The following DLEC1 variants were observed in gnomAD, a reference collection of about 807,000 sequenced individuals.
DLEC1 encodes the protein DLEC1 cilia and flagella associated protein, also known as deleted in lung and esophageal cancer protein 1.
Under a neutral mutation model 198.1 loss-of-function variants are expected in DLEC1, and 146 were observed. The observed-to-expected ratio is 0.74, with a 90% CI of 0.64 to 0.85. The LOEUF (loss-of-function observed/expected upper bound fraction) is 0.85. Among genes scored for constraint, DLEC1 ranks in the 40% least tolerant of loss-of-function variants. DLEC1 has a pLI of 0.00. For synonymous variants in DLEC1, 897 were observed against 866.8 expected (o/e 1.03, Z -0.61); for missense variants, 2,233 against 2,220.0 (o/e 1.01, Z -0.12).
chr3:38,084,539 G>A lies in DLEC1; in HGVS notation c.1261+294G>A, dbSNP rs75470428. ...TAGTGGTAGTAGTAGTAGTGGTGGT[G>A]GTAGTAGTAGTGGTAGTAGTAGTGG... On this transcript the variant is annotated intron_variant, in intron 7 of 36. Coordinates refer to ENST00000308059, the MANE Select transcript of DLEC1 (RefSeq NM_007335.4). Among the ~76,000 whole-genome samples the A allele has an allele frequency of 2.2e-3, 9 of 4,076 alleles. 1 individual carries two copies. The highest frequency in any genetic ancestry group is 5.4e-3 in the South Asian group (1 of 184). 2.7% of individuals were successfully genotyped at this position (4,076 alleles called of 152,430 possible).
At position 38,117,798 on chromosome 3, in the gene DLEC1, C is replaced by G. The variant is rs764801502; in HGVS notation, c.4486-8C>G. On this transcript the variant is annotated splice_polypyrimidine_tract_variant and splice_region_variant and intron_variant, in intron 32 of 36. Transcript: ENST00000308059. The stretch of plus-strand genomic sequence containing the variant: ...CATTCCCTGCCTCCTACCTCTGTGG[C>G]TGCCCAGGTGCTGAGTGAGCTGGTG... The G allele has an allele frequency of 1.9e-6, 3 of 1,611,018 alleles. No homozygotes were observed. In the South Asian group the frequency reaches 3.3e-5, roughly 18 times the overall value.
At chr3:38,083,611 A>T (rs570318655) in intron 6 of DLEC1, among the ~76,000 whole-genome samples, 45 of 151,572 alleles carry the variant, frequency 3.0e-4, no homozygotes, top group Non-Finnish European at 5.3e-4. Context: ...TCATCAGTTA[A>T]GGTGGGGCAG....
intron 6 of DLEC1, among the ~76,000 whole-genome samples, chr3:38,064,707 C>T (rs978439737): frequency 8.6e-5 from 13 of 151,912 alleles, no homozygotes; most frequent in Admixed American, 5.9e-4. Context: ...GACGGGGTCG[C>T]GGCCGGGCAG....
At chr3:38,102,836 T>C (rs960948983) in intron 19 of DLEC1, among the ~76,000 whole-genome samples, 7 of 152,230 alleles carry the variant, frequency 4.6e-5, no homozygotes, top group Non-Finnish European at 8.8e-5. Context: ...AATGAAGGAA[T>C]AGCATCTTTC....
At position 38,123,207 on chromosome 3, in the gene DLEC1, C is replaced by T; in HGVS notation, c.*795C>T. ...GGCTGACCCAGAAGGACGTCATGGA[C>T]AAGTAGGATGCAAAACCATCAGACC... is the stretch of plus-strand genomic sequence containing the variant. On this transcript the variant is annotated 3_prime_UTR_variant, in exon 37 of 37. Coordinates refer to ENST00000308059, the MANE Select transcript of DLEC1 (RefSeq NM_007335.4). 3.7e-6 allele frequency: 5 copies of T among 1,341,710 alleles called. No individual in the cohort carries two copies. Among genetic ancestry groups the T allele is most frequent in the Non-Finnish European group, 5.3e-6 (5 of 936,530 alleles). The allele number at this position is 1,341,710 out of a possible 1,614,324, so 83.1% of individuals were successfully genotyped here.
In DLEC1 at chr3:38,076,505, G is replaced by T. The variant is rs546069791; in HGVS notation, c.1174-7653G>T. ...AGGAGTGGGGGTCGCAAAGTACTCAGTGGGGGAGCTTTTTGAGCCAGGATG... is the reference window on the plus strand; with the variant it reads ...AGGAGTGGGGGTCGCAAAGTACTCATTGGGGGAGCTTTTTGAGCCAGGATG... On this transcript the variant is annotated intron_variant, in intron 6 of 36. Coordinates refer to ENST00000308059, the MANE Select transcript of DLEC1 (RefSeq NM_007335.4). 4.9e-3 allele frequency among the ~76,000 whole-genome samples: 745 copies of T among 152,206 alleles called. 5 individuals are homozygous for T. The highest frequency in any genetic ancestry group is 0.016 in the African/African-American group (683 of 41,510).
intron 34 of DLEC1, among the ~76,000 whole-genome samples, chr3:38,120,872 T>C (rs561462263): frequency 6.6e-6 from 1 of 152,224 alleles, no homozygotes; most frequent in South Asian, 2.1e-4. Flanking sequence ...AGGAAGGACA[T>C]GAAGCCTGAA....
intron 6 of DLEC1, 138 bp downstream of exon 6, chr3:38,064,057 G>C (rs1696859047): frequency 5.0e-6 from 3 of 600,176 alleles, no homozygotes; most frequent in South Asian, 4.8e-5. Flanking sequence ...GTGTTTCTCG[G>C]AGAGGGGGAT....
chr3:38,081,894 G>A (rs1698040845), intron 6 of DLEC1, among the ~76,000 whole-genome samples: 1 of 137,718 alleles, frequency 7.3e-6, no homozygotes, highest in African/African-American at 2.7e-5. Flanking sequence ...GCGGGGGGCT[G>A]ACCCCCCCCC....
chr3:38,100,453 C>T, intron 19 of DLEC1, 28 bp downstream of exon 19: 1 of 1,592,030 alleles, frequency 6.3e-7, no homozygotes, highest in Non-Finnish European at 8.5e-7. Context: ...AGAGCCACTA[C>T]AACAAACTAT....
intron 2 of DLEC1, among the ~76,000 whole-genome samples, chr3:38,047,996 G>C (rs535696978): frequency 5.2e-4 from 79 of 152,298 alleles, no homozygotes; most frequent in African/African-American, 1.8e-3. Flanking sequence ...TCTGCCAAAG[G>C]TGACTAATGA....
chr3:38,103,019 C>T (rs1415104269), intron 19 of DLEC1: 1 of 152,142 alleles, frequency 6.6e-6, no homozygotes, highest in Non-Finnish European at 1.5e-5. Context: ...TTATGGGGTA[C>T]ATGTGCAATT....
intron 6 of DLEC1, among the ~76,000 whole-genome samples, 186 bp from the exon 7 acceptor site, chr3:38,083,972 A>G (rs1698204964): frequency 6.6e-6 from 1 of 152,076 alleles, no homozygotes; most frequent in African/African-American, 2.4e-5. Context: ...AAACAAACAA[A>G]AGTACATAGG....
intron 1 of DLEC1, among the ~76,000 whole-genome samples, chr3:38,040,189 C>T (rs533787755): frequency 6.6e-6 from 1 of 152,300 alleles, no homozygotes; most frequent in Non-Finnish European, 1.5e-5. Context: ...CCTCCCATAC[C>T]CGATCCTTTA....
rs775135527 is a variant in DLEC1 at position 38,120,466 on chromosome 3, C to T, written c.4723C>T (p.Leu1575Phe). The T allele has an allele frequency of 1.9e-5, 30 of 1,614,088 alleles. No homozygotes were observed. The highest frequency in any genetic ancestry group is 2.4e-5 in the Non-Finnish European group (28 of 1,180,030). ...ENMLVNVSFSLSLELLSYQKL... is the reference protein window; with the variant it reads ...ENMLVNVSFSFSLELLSYQKL... ...TGCTCAGGTGAACGTGTCCTTCTCA[C>T]TCTCCCTGGAGCTGCTCTCCTATCA... The change falls in exon 34 of 37, where the codon CTC (leucine) becomes TTC (phenylalanine). Residue 1575 changes from leucine (L) to phenylalanine (F), a missense_variant. By Grantham distance (22) the Leu-to-Phe change is conservative (BLOSUM62 0). Transcript: ENST00000308059.
chr3:38,062,206 C>T lies in DLEC1; in HGVS notation c.711C>T (p.Ser237=). The T allele has an allele frequency of 6.2e-7, 1 of 1,614,200 alleles. No homozygotes were observed. Among genetic ancestry groups the T allele is most frequent in the South Asian group, 1.1e-5 (1 of 91,084 alleles). The change falls in exon 4 of 37, where the codon AGC becomes AGT. Residue 237 remains serine (S), a synonymous_variant. Transcript: ENST00000308059. ...CTGGATGTTCAAAACTGACATTTAG[C>T]TGTGAGAAGCGTTCCGTCCAGAAGA... is the stretch of plus-strand genomic sequence containing the variant. ...SLPGCSKLTF[S]CEKRSVQKKE... is the part of the protein sequence containing the mutation.
chr3:38,050,512 C>G (rs1029397380), intron 2 of DLEC1, among the ~76,000 whole-genome samples: 2 of 151,546 alleles, frequency 1.3e-5, no homozygotes, highest in Non-Finnish European at 2.9e-5. Flanking sequence ...GGGAGCCACG[C>G]AGATATCACA....
At position 38,117,013 on chromosome 3, in the gene DLEC1, C is replaced by T. The variant is rs1700209727; in HGVS notation, c.4218C>T (p.Ser1406=). The T allele has an allele frequency of 2.5e-6, 4 of 1,614,052 alleles. No homozygotes were observed. Among genetic ancestry groups the T allele is most frequent in the South Asian group, 2.2e-5 (2 of 91,088 alleles). Residue 1406 remains serine (S), a synonymous_variant, in exon 30 of 37, where the codon TCC becomes TCT. Transcript: ENST00000308059. ...PAGGSSTIYI[S]FTPMVLSPEI... is the part of the protein sequence containing the mutation. ...GGGGCAGCAGTACCATCTACATCTC[C>T]TTCACCCCTATGGTGCTCAGCCCTG...
At chr3:38,045,417 T>C (rs1440612909) in intron 1 of DLEC1, 126 bp from the exon 2 acceptor site, 16 of 1,276,666 alleles carry the variant, frequency 1.3e-5, no homozygotes, top group Admixed American at 3.0e-5. Flanking sequence ...GACCAGATGG[T>C]TGGAATAGTT....
Sources: gnomAD v4.1 joint callset for allele counts (sites outside exome capture counted in the v4.1 genomes callset) on GRCh38, gnomAD v4.1.1 for gene constraint, MANE v1.5 for transcripts, NCBI Gene and HGNC (gene_info 2026-07-23, HGNC 2026-07-21) for gene names.